The following FAT3 variants were observed in gnomAD, a reference collection of about 807,000 sequenced individuals.
The protein encoded by FAT3 is protocadherin Fat 3.
A neutral mutation model predicts 310.2 loss-of-function variants in FAT3; 95 were observed. The ratio of observed to expected loss-of-function variants is 0.31; its 90% CI spans 0.26 to 0.36. The LOEUF (loss-of-function observed/expected upper bound fraction) is 0.36, where lower values mean the gene tolerates loss of function less well. FAT3 is among the 10% of genes least tolerant of loss of function. FAT3 has a pLI of 1.00. For synonymous variants in FAT3, 2,314 were observed against 2,192.9 expected, an observed-to-expected ratio of 1.06 and a Z score of -1.54; for missense variants, 5,408 against 5,715.6, an observed-to-expected ratio of 0.95 and a Z score of 1.74.
intron 1 of FAT3, among the ~76,000 whole-genome samples, chr11:92,308,207 CTCTT>C (rs2134446814): frequency 6.6e-6 from 1 of 152,244 alleles, no homozygotes; most frequent in African/African-American, 2.4e-5. Context: ...TTATTGCCAT[CTCTT>C]TCTTTCACAG....
At chr11:92,623,726 G>A (rs1258516117) in intron 3 of FAT3, among the ~76,000 whole-genome samples, 2 of 152,090 alleles carry the variant, frequency 1.3e-5, no homozygotes, top group African/African-American at 2.4e-5. Context: ...GGTGGATCAC[G>A]AGGTCAGGAG....
At chr11:92,245,672 T>G (rs991578734) in intron 1 of FAT3, among the ~76,000 whole-genome samples, 2 of 152,162 alleles carry the variant, frequency 1.3e-5, no homozygotes, top group Admixed American at 1.3e-4. Flanking sequence ...ACTATTCAAC[T>G]CTGCCTTTGT....
intron 13 of FAT3, among the ~76,000 whole-genome samples, chr11:92,811,473 A>G (rs1237909676): frequency 3.3e-5 from 5 of 152,248 alleles, no homozygotes; most frequent in Admixed American, 1.3e-4. Context: ...TTTTTGAAAC[A>G]TGAGGGGGTG....
At chr11:92,441,494 G>T (rs961722333) in intron 2 of FAT3, among the ~76,000 whole-genome samples, 3 of 152,138 alleles carry the variant, frequency 2.0e-5, no homozygotes, top group Non-Finnish European at 4.4e-5. Flanking sequence ...AATTATAGCC[G>T]ACCCGCAGAT....
chr11:92,694,732 G>A (rs1301867735), intron 3 of FAT3, among the ~76,000 whole-genome samples: 1 of 152,154 alleles, frequency 6.6e-6, no homozygotes, highest in African/African-American at 2.4e-5. Context: ...GGCCGGAAGA[G>A]CAGCAGGGTG....
rs778207778 is a variant in FAT3 at position 92,355,282 on chromosome 11, G to T, written c.3170G>T (p.Arg1057Leu). 3.1e-6 allele frequency: 5 copies of T among 1,613,808 alleles called. No individual in the cohort carries two copies. Among genetic ancestry groups the T allele is most frequent in the East Asian group, 4.5e-5 (2 of 44,856 alleles). The change falls in exon 2 of 28, where the codon CGC becomes CTC. Residue 1057 changes from arginine (R) to leucine (L), a missense_variant. By Grantham distance (102) the Arg-to-Leu change is moderately radical. This residue lies in a region of FAT3 where 4,588 missense variants were observed against 4,809.8 expected (regional missense o/e 0.95). Coordinates refer to ENST00000525166, the MANE Select transcript of FAT3 (RefSeq NM_001367949.2). ...AVVGSVKENS[R>L]IGTSVLQVTA... ...GTTGGATCTGTAAAGGAAAACTCAC[G>T]CATTGGAACAAGCGTGCTGCAGGTG... is the stretch of plus-strand genomic sequence containing the variant.
rs149224641 is a variant in FAT3 at position 92,360,444 on chromosome 11, A to G, written c.3292+5040A>G. Among the ~76,000 whole-genome samples, 958 of 152,322 alleles carry G rather than the reference A, an allele frequency of 6.3e-3. 2 individuals are homozygous for G. The highest frequency in any genetic ancestry group is 9.6e-3 in the Non-Finnish European group (653 of 68,022). The stretch of plus-strand genomic sequence containing the variant: ...TTAAATCACTAGTCTGGAAGATGCA[A>G]TTTAATCGTATTTTTCCTTCACAAA... On this transcript the variant is annotated intron_variant, in intron 2 of 27. Transcript: ENST00000525166.
intron 3 of FAT3, among the ~76,000 whole-genome samples, chr11:92,682,020 C>T (rs546177871): frequency 2.2e-4 from 33 of 152,282 alleles, no homozygotes; most frequent in Non-Finnish European, 4.0e-4. Flanking sequence ...AGTAATTCTA[C>T]AGAAATAGTG....
chr11:92,346,987 T>C (rs1466166043), intron 1 of FAT3, among the ~76,000 whole-genome samples: 1 of 152,232 alleles, frequency 6.6e-6, no homozygotes, highest in African/African-American at 2.4e-5. Flanking sequence ...CTAACAATTA[T>C]ATACAATGTG....
chr11:92,330,569 G>A (rs775719812), intron 1 of FAT3, among the ~76,000 whole-genome samples: 21 of 152,154 alleles, frequency 1.4e-4, no homozygotes, highest in Non-Finnish European at 2.4e-4. Context: ...TTTGCCCAGG[G>A]TCCCAAGACA....
At chr11:92,866,126 G>A (rs1949240860) in intron 21 of FAT3, among the ~76,000 whole-genome samples, 1 of 152,182 alleles carries the variant, frequency 6.6e-6, no homozygotes, top group African/African-American at 2.4e-5. Flanking sequence ...ACAAAGCTGA[G>A]AACTAGGAAA....
At chr11:92,858,730 C>T (rs1949046636) in intron 20 of FAT3, among the ~76,000 whole-genome samples, 1 of 152,146 alleles carries the variant, frequency 6.6e-6, no homozygotes, top group Non-Finnish European at 1.5e-5. Context: ...ACTTGGGGAA[C>T]ATGGATATCA....
chr11:92,619,893 T>C (rs1002526596), intron 3 of FAT3, among the ~76,000 whole-genome samples: 3 of 152,072 alleles, frequency 2.0e-5, no homozygotes, highest in African/African-American at 7.2e-5. Context: ...TAATTTGCTC[T>C]TCCTTTTTCA....
At chr11:92,695,847 C>A (rs1943921492) in intron 3 of FAT3, among the ~76,000 whole-genome samples, 1 of 152,086 alleles carries the variant, frequency 6.6e-6, no homozygotes. Context: ...GAGGGCAGAG[C>A]AGATGGCCAC....
intron 2 of FAT3, among the ~76,000 whole-genome samples, chr11:92,474,792 GTCACGTTACT>G (rs1952005117): frequency 1.3e-5 from 2 of 152,160 alleles, no homozygotes; most frequent in Non-Finnish European, 2.9e-5. Flanking sequence ...ATAGGCTGAT[GTCACGTTACT>G]CCCAGGCCAG....
intron 2 of FAT3, among the ~76,000 whole-genome samples, chr11:92,377,266 T>C (rs978624474): frequency 2.0e-5 from 3 of 152,242 alleles, no homozygotes; most frequent in African/African-American, 2.4e-5. Flanking sequence ...TTTATAGTTA[T>C]AATAAAAATA....
chr11:92,238,718 A>G (rs1476830487), intron 1 of FAT3, among the ~76,000 whole-genome samples: 5 of 152,080 alleles, frequency 3.3e-5, no homozygotes, highest in African/African-American at 1.2e-4. Flanking sequence ...AACAAATACT[A>G]TGCATGTGTT....
Position 92,843,585 on chromosome 11 carries a change from C to A in FAT3, c.10567-349C>A, listed in dbSNP as rs114638827. On this transcript the variant is annotated intron_variant, in intron 18 of 27. Coordinates refer to ENST00000525166, the MANE Select transcript of FAT3 (RefSeq NM_001367949.2). Reference sequence around the variant, plus strand: ...GAAATTTCTCCTCCAAGTGGAAAGACCACTTTATGAGGTTTCCCCTGTGGT... The same window carrying A: ...GAAATTTCTCCTCCAAGTGGAAAGAACACTTTATGAGGTTTCCCCTGTGGT... Among the ~76,000 whole-genome samples, 843 of 152,316 alleles carry A rather than the reference C, an allele frequency of 5.5e-3. 10 individuals are homozygous for A. The highest frequency in any genetic ancestry group is 0.019 in the African/African-American group (784 of 41,568).
At chr11:92,671,705 T>G (rs1175396624) in intron 3 of FAT3, among the ~76,000 whole-genome samples, 2 of 152,206 alleles carry the variant, frequency 1.3e-5, no homozygotes, top group Non-Finnish European at 2.9e-5. Flanking sequence ...GTACATTCCA[T>G]GAAGGCATGC....
Sources: gnomAD v4.1 joint callset for allele counts (sites outside exome capture counted in the v4.1 genomes callset) on GRCh38, gnomAD v4.1.1 for gene constraint, gnomAD v4.1.1 regional missense constraint, MANE v1.5 for transcripts, NCBI Gene and HGNC (gene_info 2026-07-23, HGNC 2026-07-21) for gene names.